ANK3: variants seen among roughly 807,000 people sequenced by gnomAD.
The protein encoded by ANK3 is ankyrin-3.
ANK3 carries 57 observed loss-of-function variants against 370.9 expected under a neutral mutation model. The observed-to-expected ratio is 0.15, with a 90% CI of 0.12 to 0.19. The LOEUF is 0.19. ANK3 is among the 10% of genes least tolerant of loss of function. ANK3 has a pLI of 1.00. For synonymous variants in ANK3, 1,929 were observed against 1,946.3 expected (o/e 0.99, Z 0.23); for missense variants, 4,439 against 5,302.1 (o/e 0.84, Z 5.06).
At chr10:60,294,641 GA>G (rs2042126090) in intron 1 of ANK3, among the ~76,000 whole-genome samples, 1 of 152,140 alleles carries the variant, frequency 6.6e-6, no homozygotes, top group African/African-American at 2.4e-5. Flanking sequence ...AGGCCTTGCT[GA>G]AAATATAGCT....
chr10:60,655,647 C>A (rs10761544), intron 1 of ANK3, among the ~76,000 whole-genome samples: 102,083 of 151,302 alleles, frequency 0.67, 34,588 homozygotes, highest in South Asian at 0.83. Context: ...ATTAAAAATA[C>A]AAATATTTTT....
intron 2 of ANK3, among the ~76,000 whole-genome samples, chr10:60,597,706 A>G (rs1191191139): frequency 6.6e-6 from 1 of 152,172 alleles, no homozygotes; most frequent in African/African-American, 2.4e-5. Context: ...CTCTTTGTTC[A>G]AGCAATGTAA....
chr10:60,103,311 T>G (rs1309401181), intron 28 of ANK3, among the ~76,000 whole-genome samples: 1 of 152,124 alleles, frequency 6.6e-6, no homozygotes, highest in African/African-American at 2.4e-5. Flanking sequence ...TCAGGAACTA[T>G]TTTTATCTTG....
intron 1 of ANK3, among the ~76,000 whole-genome samples, chr10:60,617,721 A>G (rs1458116863): frequency 6.6e-6 from 1 of 152,146 alleles, no homozygotes; most frequent in Non-Finnish European, 1.5e-5. Context: ...CAGAAAAGAT[A>G]CTCTGAACTT....
rs113595734 is a variant in ANK3, at chr10:60,416,611, T to C, written c.97-136972A>G. On this transcript the variant is annotated intron_variant, in intron 2 of 43. Coordinates refer to the ANK3 transcript ENST00000373827. ...AACTTTTGGAATGATGGAAAAGTTC[T>C]ACATCTAAGCTGTACAATATAGAAG... Among the ~76,000 whole-genome samples the C allele has an allele frequency of 2.9e-3, 441 of 152,360 alleles. 2 individuals are homozygous for C. Among genetic ancestry groups the C allele is most frequent in the African/African-American group, 0.01 (418 of 41,582 alleles).
intron 23 of ANK3, among the ~76,000 whole-genome samples, chr10:60,150,320 T>C (rs964259274): frequency 6.6e-6 from 1 of 152,148 alleles, no homozygotes; most frequent in African/African-American, 2.4e-5. Context: ...GTTTTCTAAA[T>C]ATGAAACACC....
chr10:60,541,631 C>A (rs1293695817), intron 2 of ANK3, among the ~76,000 whole-genome samples: 1 of 151,848 alleles, frequency 6.6e-6, no homozygotes, highest in Non-Finnish European at 1.5e-5. Flanking sequence ...ACTCCCTTTG[C>A]TATAAATAGC....
At chr10:60,329,653 A>G (rs1023359092) in intron 1 of ANK3, among the ~76,000 whole-genome samples, 1 of 152,222 alleles carries the variant, frequency 6.6e-6, no homozygotes, top group Non-Finnish European at 1.5e-5. Context: ...CAAATGGAAA[A>G]AAACATTCCA....
intron 4 of ANK3, among the ~76,000 whole-genome samples, chr10:60,270,592 A>G (rs1018043110): frequency 2.0e-5 from 3 of 152,230 alleles, no homozygotes; most frequent in African/African-American, 7.2e-5. Context: ...ACTAGATGCT[A>G]TGAGACTATG....
chr10:60,462,115 G>A (rs2064900507), intron 2 of ANK3, among the ~76,000 whole-genome samples: 2 of 152,040 alleles, frequency 1.3e-5, no homozygotes, highest in Non-Finnish European at 2.9e-5. Flanking sequence ...AGAGCTGGCA[G>A]AAATCAGTGC....
intron 43 of ANK3, among the ~76,000 whole-genome samples, chr10:60,034,071 TTC>T (rs2074338681): frequency 2.0e-5 from 3 of 150,676 alleles, no homozygotes; most frequent in Middle Eastern, 3.4e-3. Context: ...GTGTCTGAAA[TTC>T]TGTTTTTGTT....
At chr10:60,277,411 T>C (rs1210828527) in intron 4 of ANK3, among the ~76,000 whole-genome samples, 1 of 152,234 alleles carries the variant, frequency 6.6e-6, no homozygotes, top group African/African-American at 2.4e-5. Context: ...ATGTAAGTTA[T>C]AACTGGATTC....
Position 60,080,397 on chromosome 10 carries a change from T to C in ANK3, c.4432+140A>G, listed in dbSNP as rs950316378. 4.3e-6 allele frequency: 3 copies of C among 696,232 alleles called. No individual in the cohort carries two copies. In the African/African-American group the frequency reaches 5.5e-5, roughly 13 times the overall value. The allele number at this position is 696,232 out of a possible 1,614,324, so 43.1% of individuals were successfully genotyped here. On this transcript the variant is annotated intron_variant, in intron 36 of 43. Coordinates refer to ENST00000280772, the MANE Select transcript of ANK3 (RefSeq NM_020987.5). ...CTTCAACTAGGCACAAAATATTACTTAGGTTGTATGACAGGGTTTTCCTGC... is the reference window on the plus strand; with the variant it reads ...CTTCAACTAGGCACAAAATATTACTCAGGTTGTATGACAGGGTTTTCCTGC...
chr10:60,572,898 G>A, intron 2 of ANK3: 3 of 1,021,988 alleles, frequency 2.9e-6, no homozygotes, highest in Non-Finnish European at 3.5e-6. Flanking sequence ...GAGAGAGAGA[G>A]AAAGAGAGAG....
At chr10:60,664,221 T>C (rs2078970080) in intron 1 of ANK3, among the ~76,000 whole-genome samples, 2 of 152,368 alleles carry the variant, frequency 1.3e-5, no homozygotes, top group Non-Finnish European at 2.9e-5. Flanking sequence ...AAGAACTTAG[T>C]GTCAAATTTC....
At chr10:60,383,480 C>T (rs946742826) in intron 1 of ANK3, among the ~76,000 whole-genome samples, 1 of 152,154 alleles carries the variant, frequency 6.6e-6, no homozygotes, top group Non-Finnish European at 1.5e-5. Flanking sequence ...GACAACCTTA[C>T]TCTATAGTTC....
At chr10:60,191,751 C>T (rs897789462) in intron 16 of ANK3, among the ~76,000 whole-genome samples, 4 of 152,014 alleles carry the variant, frequency 2.6e-5, no homozygotes, top group Admixed American at 2.6e-4. Flanking sequence ...AGGTATTTCC[C>T]AAAGGAAATA....
chr10:60,067,883 G>C, intron 38 of ANK3, 52 bp downstream of exon 38: 1 of 1,448,328 alleles, frequency 6.9e-7, no homozygotes, highest in Middle Eastern at 1.8e-4. Flanking sequence ...TTGTGAGTAA[G>C]ACAAAGAAAT....
At chr10:60,150,892 C>T (rs762678607) in intron 23 of ANK3, among the ~76,000 whole-genome samples, 48 of 152,008 alleles carry the variant, frequency 3.2e-4, no homozygotes, top group Admixed American at 1.6e-3. Flanking sequence ...TTTCTAGCAG[C>T]GCAAAACAGA....
Sources: allele counts gnomAD v4.1 joint callset (sites outside exome capture counted in the v4.1 genomes callset), GRCh38; gene constraint gnomAD v4.1.1; transcripts MANE v1.5; gene names NCBI Gene and HGNC (gene_info 2026-07-23, HGNC 2026-07-21).